CDKAL1: variants seen among roughly 807,000 people sequenced by gnomAD.
CDKAL1 encodes the protein CDKAL1 threonylcarbamoyladenosine tRNA methylthiotransferase.
CDKAL1 carries 32 observed loss-of-function variants against 68.2 expected under a neutral mutation model. The observed-to-expected ratio is 0.47, with a 90% CI of 0.35 to 0.63. The LOEUF (loss-of-function observed/expected upper bound fraction) is 0.63, where lower values mean the gene tolerates loss of function less well. CDKAL1 is among the 30% of genes least tolerant of loss of function. The pLI is 0.00. For missense variants in CDKAL1, 606 were observed against 696.7 expected (o/e 0.87, Z 1.47); for synonymous variants, 234 against 244.3 (o/e 0.96, Z 0.39).
intron 4 of CDKAL1, among the ~76,000 whole-genome samples, chr6:20,630,209 T>C (rs1767613862): frequency 6.6e-6 from 1 of 152,088 alleles, no homozygotes; most frequent in African/African-American, 2.4e-5. Context: ...CTGCCCCTCT[T>C]TGTGGCCAGC....
In CDKAL1 at chr6:20,732,280, T is replaced by TG. The variant is rs1362036916; in HGVS notation, c.372-7239_372-7238insG. 6.8e-5 allele frequency among the ~76,000 whole-genome samples: 9 copies of TG among 131,812 alleles called. No homozygotes were observed. In the East Asian group the frequency reaches 2.0e-3, roughly 29 times the overall value. The allele number at this position is 131,812 out of a possible 152,430, so 86.5% of individuals were successfully genotyped here. On this transcript the variant is annotated intron_variant, in intron 5 of 15. Coordinates refer to ENST00000274695, the MANE Select transcript of CDKAL1 (RefSeq NM_017774.3). ...CTTTCTTTCTTTTTTTTTTTTTTTT[T>TG]TTTTTGTTGTTGTTGAGACAGGGTC... is the stretch of plus-strand genomic sequence containing the variant.
intron 8 of CDKAL1, among the ~76,000 whole-genome samples, chr6:20,818,078 G>T (rs1777122232): frequency 6.6e-6 from 1 of 152,126 alleles, no homozygotes; most frequent in Admixed American, 6.6e-5. Context: ...TCCCAAAGGT[G>T]CTCTCCTCAA....
At chr6:20,711,368 A>G (rs1470730037) in intron 5 of CDKAL1, among the ~76,000 whole-genome samples, 1 of 152,222 alleles carries the variant, frequency 6.6e-6, no homozygotes, top group African/African-American at 2.4e-5. Flanking sequence ...TTTGTAAATA[A>G]AAGACTGAAG....
chr6:21,193,212 G>A (rs939601532), intron 13 of CDKAL1, among the ~76,000 whole-genome samples: 1 of 152,060 alleles, frequency 6.6e-6, no homozygotes, highest in African/African-American at 2.4e-5. Flanking sequence ...TTCCTGGCAG[G>A]TACTGTATTG....
rs1386272253 is a variant in CDKAL1 at position 20,781,857 on chromosome 6, C to A, written c.638+592C>A. Among the ~76,000 whole-genome samples, 3 of 151,976 alleles carry A rather than the reference C, an allele frequency of 2.0e-5. 1 individual carries two copies. Among genetic ancestry groups the A allele is most frequent in the Admixed American group, 2.0e-4 (3 of 15,250 alleles). ...TTTTGCATTCTTTAAATTATGAGTCCATCAGAAAAAGAAACATTTTCTGAA... is the reference window on the plus strand; with the variant it reads ...TTTTGCATTCTTTAAATTATGAGTCAATCAGAAAAAGAAACATTTTCTGAA... On this transcript the variant is annotated intron_variant, in intron 8 of 15. Coordinates refer to ENST00000274695, the MANE Select transcript of CDKAL1 (RefSeq NM_017774.3).
intron 3 of CDKAL1, among the ~76,000 whole-genome samples, chr6:20,547,019 T>C (rs1054918361): frequency 5.3e-5 from 8 of 152,206 alleles, no homozygotes; most frequent in African/African-American, 1.9e-4. Context: ...TCACATTTTT[T>C]TTTTTGGATT....
chr6:21,191,704 T>C (rs1778244918), intron 13 of CDKAL1, among the ~76,000 whole-genome samples: 1 of 151,940 alleles, frequency 6.6e-6, no homozygotes, highest in Non-Finnish European at 1.5e-5. Flanking sequence ...AACATCTTAC[T>C]TTCTTTGTCT....
chr6:20,773,221 C>A (rs1240635054), intron 7 of CDKAL1, among the ~76,000 whole-genome samples: 1 of 152,122 alleles, frequency 6.6e-6, no homozygotes, highest in Non-Finnish European at 1.5e-5. Context: ...GTTTTATATT[C>A]TTTTCTTCTT....
Position 21,230,938 on chromosome 6 carries a change from C to T in CDKAL1, c.1639C>T (p.Leu547=). Residue 547 remains leucine (L), a synonymous_variant, in exon 16 of 16, where the codon CTG becomes TTG. Coordinates refer to ENST00000274695, the MANE Select transcript of CDKAL1 (RefSeq NM_017774.3). ...QCDSASSRMV[L]PMPRLHQDCA... Reference sequence around the variant, plus strand: ...TGACTCAGCGAGTTCCAGAATGGTGCTGCCCATGCCAAGGCTACATCAAGA... The same window carrying T: ...TGACTCAGCGAGTTCCAGAATGGTGTTGCCCATGCCAAGGCTACATCAAGA... The T allele has an allele frequency of 6.2e-7, 1 of 1,614,120 alleles. No individual in the cohort carries two copies. Among genetic ancestry groups the T allele is most frequent in the South Asian group, 1.1e-5 (1 of 91,078 alleles).
At chr6:20,704,792 T>A (rs1771525539) in intron 5 of CDKAL1, among the ~76,000 whole-genome samples, 1 of 152,164 alleles carries the variant, frequency 6.6e-6, no homozygotes, top group South Asian at 2.1e-4. Context: ...ATTTACTCTT[T>A]CAAAATGGAA....
intron 5 of CDKAL1, among the ~76,000 whole-genome samples, chr6:20,718,171 C>T (rs769986525): frequency 2.0e-5 from 3 of 152,150 alleles, no homozygotes; most frequent in East Asian, 1.9e-4. Flanking sequence ...TAGAGACCAA[C>T]GTTAATTCAT....
intron 13 of CDKAL1, among the ~76,000 whole-genome samples, chr6:21,191,992 CTTTTTTTTTTTTTTTTTTTTTTTTTTTT>C (rs145894251): frequency 1.4e-4 from 5 of 34,516 alleles, no homozygotes; most frequent in African/African-American, 3.2e-4. Context: ...ATTCATTTTT[CTTTTTTTTTTTTTTTTTTTTTTTTTTTT>C]TTTTTTTTTT....
At chr6:21,225,372 A>G (rs1779702551) in intron 15 of CDKAL1, among the ~76,000 whole-genome samples, 1 of 152,124 alleles carries the variant, frequency 6.6e-6, no homozygotes, top group South Asian at 2.1e-4. Flanking sequence ...TGACTTCACA[A>G]TGGACGTAGC....
At chr6:21,154,366 T>G (rs928699095) in intron 13 of CDKAL1, among the ~76,000 whole-genome samples, 13 of 152,194 alleles carry the variant, frequency 8.5e-5, no homozygotes, top group African/African-American at 2.9e-4. Flanking sequence ...ATCTCTCCCT[T>G]AAATGGAAAA....
chr6:20,538,072 T>C (rs980194206), intron 2 of CDKAL1, among the ~76,000 whole-genome samples: 2 of 152,206 alleles, frequency 1.3e-5, no homozygotes, highest in African/African-American at 4.8e-5. Context: ...GATATACATA[T>C]GTTTGGTATA....
intron 13 of CDKAL1, among the ~76,000 whole-genome samples, chr6:21,129,006 G>T (rs1346514638): frequency 6.6e-6 from 1 of 152,118 alleles, no homozygotes; most frequent in Non-Finnish European, 1.5e-5. Context: ...AATTTATTTA[G>T]CTTCTCTGAG....
chr6:20,856,059 C>CT (rs1561834784), intron 9 of CDKAL1, among the ~76,000 whole-genome samples: 1 of 152,144 alleles, frequency 6.6e-6, no homozygotes, highest in African/African-American at 2.4e-5. Context: ...AGTTTATGTC[C>CT]TTTGGAGGAA....
intron 9 of CDKAL1, among the ~76,000 whole-genome samples, chr6:20,912,755 A>C (rs1424051491): frequency 6.6e-6 from 1 of 152,082 alleles, no homozygotes; most frequent in South Asian, 2.1e-4. Flanking sequence ...ATATTTTTTT[A>C]CTTAGCTTAC....
At chr6:20,579,274 C>T (rs1046381495) in intron 4 of CDKAL1, among the ~76,000 whole-genome samples, 7 of 151,956 alleles carry the variant, frequency 4.6e-5, no homozygotes, top group Admixed American at 3.9e-4. Flanking sequence ...CCACTGAGCC[C>T]GGCAAAGTTG....
Sources: allele counts gnomAD v4.1 joint callset (sites outside exome capture counted in the v4.1 genomes callset), GRCh38; gene constraint gnomAD v4.1.1; transcripts MANE v1.5; gene names NCBI Gene and HGNC (gene_info 2026-07-23, HGNC 2026-07-21).